The following MYH8 variants were observed in gnomAD, a reference collection of about 807,000 sequenced individuals.
The protein encoded by MYH8 is myosin-8.
Under a neutral mutation model 233.2 loss-of-function variants are expected in MYH8, and 168 were observed. The observed-to-expected ratio is 0.72, with a 90% confidence interval of 0.64 to 0.82. The LOEUF (loss-of-function observed/expected upper bound fraction) is 0.82, where lower values mean the gene tolerates loss of function less well. Ranked by LOEUF, MYH8 falls within the 40% of genes least tolerant of loss-of-function variation. The pLI is 0.00. For missense variants in MYH8, 1,995 were observed against 2,327.8 expected (o/e 0.86, Z 2.94); for synonymous variants, 785 against 850.6 (o/e 0.92, Z 1.34).
chr17:10,394,191 A>G (rs2072057752), intron 35 of MYH8, 58 bp downstream of exon 35: 1 of 1,604,822 alleles, frequency 6.2e-7, no homozygotes, highest in Admixed American at 1.7e-5. Context: ...CTTTCATGTT[A>G]TAATTCGAAT....
In MYH8 at chr17:10,401,427, C is replaced by G. The variant is rs1406305642; in HGVS notation, c.2956G>C (p.Ala986Pro). ...NKVKNLTEEM[A>P]GLDETIAKLS... ...TTTGCAATGGTTTCATCCAGGCCTG[C>G]CATCTCTTCTGTAAGATTTTTCACC... Residue 986 changes from alanine (A) to proline (P), a missense_variant, in exon 24 of 40, where the codon GCA becomes CCA. Physicochemically the swap from Ala to Pro is conservative, Grantham distance 27 (BLOSUM62 -1). This residue lies in a region of MYH8 where 1,498 missense variants were observed against 1,680.9 expected (regional missense o/e 0.89). Transcript: ENST00000403437. 6.2e-7 allele frequency: 1 copy of G among 1,613,834 alleles called. No individual in the cohort carries two copies. The highest frequency in any genetic ancestry group is 8.5e-7 in the Non-Finnish European group (1 of 1,180,020).
rs752219854 is a variant in MYH8, at chr17:10,418,890, G to A, written c.351C>T (p.Ile117=). 6.2e-7 allele frequency: 1 copy of A among 1,613,976 alleles called. No homozygotes were observed. The highest frequency in any genetic ancestry group is 1.3e-5 in the African/African-American group (1 of 74,906). ...NLKERYAAWM[I]YTYSGLFCVT... is the part of the protein sequence containing the mutation. ...AAAGGTGTTTACAGACACTCACGTA[G>A]ATCATCCAGGCTGCATAGCGCTCTT... Residue 117 remains isoleucine (I), a synonymous_variant, in exon 4 of 40, where the codon ATC becomes ATT. Coordinates refer to ENST00000403437, the MANE Select transcript of MYH8 (RefSeq NM_002472.3).
Position 10,395,496 on chromosome 17 carries a change from T to C in MYH8, c.4654-55A>G, listed in dbSNP as rs1228503256. 8.3e-6 allele frequency: 13 copies of C among 1,574,970 alleles called. No homozygotes were observed. In the East Asian group the frequency reaches 2.7e-4, roughly 33 times the overall value. On this transcript the variant is annotated intron_variant, in intron 33 of 39. Transcript: ENST00000403437. The stretch of plus-strand genomic sequence containing the variant: ...GAGAAGAACCTGAGTATTTGGAGTA[T>C]ATTCCCTCGTGAGCCAAACTCTTGT...
chr17:10,413,896 T>C lies in MYH8; in HGVS notation c.1147+6A>G. ...CATTAAACCCAGATAAAGTTTCATT[T>C]GGTACCTTCTGTGCCATCTGGCTCA... On this transcript the variant is annotated splice_donor_region_variant and intron_variant, in intron 12 of 39. Transcript: ENST00000403437. 1 of 1,614,148 alleles carries C rather than the reference T, an allele frequency of 6.2e-7. No homozygotes were observed. The highest frequency in any genetic ancestry group is 8.5e-7 in the Non-Finnish European group (1 of 1,180,008).
intron 17 of MYH8, 30 bp downstream of exon 17, chr17:10,409,066 GT>G: frequency 6.3e-7 from 1 of 1,585,604 alleles, no homozygotes; most frequent in African/African-American, 1.3e-5. Context: ...TAGAAACTGA[GT>G]AGATATTTCA....
chr17:10,398,704 C>T lies in MYH8; in HGVS notation c.3981+64G>A, dbSNP rs1222066832. ...TCAGTGATATTTAACTTACACATCCCAAGTAGAGCCTAACTGGGCAGGTTT... is the reference window on the plus strand; with the variant it reads ...TCAGTGATATTTAACTTACACATCCTAAGTAGAGCCTAACTGGGCAGGTTT... On this transcript the variant is annotated intron_variant, in intron 29 of 39. Transcript: ENST00000403437. 8 of 1,613,778 alleles carry T rather than the reference C, an allele frequency of 5.0e-6. No individual in the cohort carries two copies. The Admixed American group carries it at 5.0e-5, about 10-fold the overall frequency.
At chr17:10,406,233 C>T (rs2072191730) in intron 20 of MYH8, 41 bp downstream of exon 20, 1 of 1,613,900 alleles carries the variant, frequency 6.2e-7, no homozygotes, top group African/African-American at 1.3e-5. Flanking sequence ...GCAGAAATGG[C>T]AGAAGGTACT....
At chr17:10,398,088 A>G (rs2142171988) in intron 30 of MYH8, among the ~76,000 whole-genome samples, 1 of 152,276 alleles carries the variant, frequency 6.6e-6, no homozygotes, top group Non-Finnish European at 1.5e-5. Flanking sequence ...GTGGCCTCCA[A>G]CATGAGTTTT....
intron 35 of MYH8, among the ~76,000 whole-genome samples, chr17:10,393,622 C>A: frequency 6.6e-6 from 1 of 152,220 alleles, no homozygotes; most frequent in East Asian, 1.9e-4. Flanking sequence ...TTTGTTCTGT[C>A]GGAGAGCACT....
chr17:10,420,370 C>A, intron 2 of MYH8, 113 bp from the exon 3 acceptor site: 1 of 924,280 alleles, frequency 1.1e-6, no homozygotes, highest in Non-Finnish European at 1.7e-6. Flanking sequence ...ACTATTCCTC[C>A]AAACTGGCAC....
At chr17:10,402,042 A>C (rs1227217884) in intron 22 of MYH8, among the ~76,000 whole-genome samples, 1 of 152,198 alleles carries the variant, frequency 6.6e-6, no homozygotes, top group Non-Finnish European at 1.5e-5. Context: ...AATTTGTAGA[A>C]GAGTGGAAAG....
Position 10,390,512 on chromosome 17 carries a change from T to C in MYH8, c.5756A>G (p.Gln1919Arg). 1.2e-6 allele frequency: 2 copies of C among 1,614,224 alleles called. No individual in the cohort carries two copies. The highest frequency in any genetic ancestry group is 1.7e-4 in the Middle Eastern group (1 of 6,024). Residue 1919 changes from glutamine to arginine, a missense_variant, in exon 40 of 40, where the codon CAG becomes CGG. Transcript: ENST00000403437. ...AEERADIAES[Q>R]VNKLRVKSRE... ...GCTCTTCACTCGCAATTTGTTGACC[T>C]GGGACTCAGCAATGTCAGCCCGTTC...
At chr17:10,405,546 T>C (rs1158814123) in intron 21 of MYH8, among the ~76,000 whole-genome samples, 3 of 152,152 alleles carry the variant, frequency 2.0e-5, no homozygotes, top group African/African-American at 7.2e-5. Flanking sequence ...AGTGTGTGTG[T>C]AAGTAGAGGG....
At chr17:10,404,748 C>CA (rs1162656912) in intron 21 of MYH8, among the ~76,000 whole-genome samples, 163 bp from the exon 22 acceptor site, 1 of 147,420 alleles carries the variant, frequency 6.8e-6, no homozygotes, top group Non-Finnish European at 1.5e-5. Context: ...CACACACACA[C>CA]ACATGTACAC....
Position 10,406,502 on chromosome 17 carries a change from G to T in MYH8, c.2172-105C>A, listed in dbSNP as rs1033170387. The T allele has an allele frequency of 4.5e-6, 7 of 1,549,650 alleles. No individual in the cohort carries two copies. In the Admixed American group the frequency reaches 8.4e-5, roughly 19 times the overall value. On this transcript the variant is annotated intron_variant, in intron 19 of 39. Transcript: ENST00000403437. ...CAAACATCTGAGAGTAGAAATAAAA[G>T]TGGAAAATCCAACTGCCGTTTAAGG...
rs1193708311 is a variant in MYH8 at position 10,411,922 on chromosome 17, A to G, written c.1416+448T>C. Among the ~76,000 whole-genome samples, 6 of 152,160 alleles carry G rather than the reference A, an allele frequency of 3.9e-5. No homozygotes were observed. In the South Asian group the frequency reaches 1.2e-3, roughly 32 times the overall value. ...TTATGTAAGACAAATCTGGAAGAGGAGAGACAGACTATCATCTGTCTCTAG... is the reference window on the plus strand; with the variant it reads ...TTATGTAAGACAAATCTGGAAGAGGGGAGACAGACTATCATCTGTCTCTAG... On this transcript the variant is annotated intron_variant, in intron 14 of 39. Transcript: ENST00000403437.
At chr17:10,405,259 A>T (rs531709981) in intron 21 of MYH8, among the ~76,000 whole-genome samples, 1 of 152,352 alleles carries the variant, frequency 6.6e-6, no homozygotes, top group Admixed American at 6.5e-5. Context: ...GAGCTCTAAA[A>T]TTTATTTTAT....
Position 10,415,007 on chromosome 17 carries a change from A to T in MYH8, c.805+109T>A. The T allele has an allele frequency of 1.0e-6, 1 of 1,001,142 alleles. No homozygotes were observed. Among genetic ancestry groups the T allele is most frequent in the Non-Finnish European group, 1.6e-6 (1 of 623,526 alleles). 62.0% of individuals were successfully genotyped at this position (1,001,142 alleles called of 1,614,324 possible). ...GCATTAGCTTACAGGCAGTACTGGCAGCAGACTACCCTTTTAACAGGCTTC... is the reference window on the plus strand; with the variant it reads ...GCATTAGCTTACAGGCAGTACTGGCTGCAGACTACCCTTTTAACAGGCTTC... On this transcript the variant is annotated intron_variant, in intron 9 of 39. Transcript: ENST00000403437. This position sits in a 1 kb window ranked among gnomAD's most constrained non-coding sequence, Gnocchi z 4.1.
Position 10,399,578 on chromosome 17 carries a change from A to T in MYH8, c.3827T>A (p.Leu1276His), listed in dbSNP as rs770410493. Residue 1276 changes from leucine (L) to histidine (H), a missense_variant, in exon 28 of 40, where the codon CTC becomes CAC. Leu to His is a moderately conservative substitution (Grantham distance 99). This residue lies in a region of MYH8 where 1,498 missense variants were observed against 1,680.9 expected (regional missense o/e 0.89). Coordinates refer to ENST00000403437, the MANE Select transcript of MYH8 (RefSeq NM_002472.3). ...EEEQQRLIND[L>H]TAQRARLQTE... ...CTGCAGGCGCGCTCTCTGTGCTGTG[A>T]GGTCATTGATCAGCCGCTGCTGCTC... 1.2e-6 allele frequency: 2 copies of T among 1,613,974 alleles called. No homozygotes were observed. The highest frequency in any genetic ancestry group is 1.7e-6 in the Non-Finnish European group (2 of 1,180,028).
Sources: allele counts gnomAD v4.1 joint callset (sites outside exome capture counted in the v4.1 genomes callset), GRCh38; gene constraint gnomAD v4.1.1; regional missense constraint gnomAD v4.1.1; non-coding constraint Gnocchi (gnomAD v3.1); transcripts MANE v1.5; gene names NCBI Gene and HGNC (gene_info 2026-07-23, HGNC 2026-07-21).